The following FAM72B variants were observed in gnomAD, a reference collection of about 807,000 sequenced individuals.
FAM72B encodes RUMY family member 2, also known as protein FAM72B.
A neutral mutation model predicts 12.6 loss-of-function variants in FAM72B; 4 were observed. The observed-to-expected ratio is 0.32, with a 90% CI of 0.16 to 0.73. The LOEUF is 0.73. Ranked by LOEUF, FAM72B falls within the 30% of genes least tolerant of loss-of-function variation. FAM72B has a pLI of 0.67. For missense variants in FAM72B, 61 were observed against 158.4 expected (o/e 0.39, Z 3.30); for synonymous variants, 13 against 53.9 (o/e 0.24, Z 3.32).
At chr1:121,170,009 T>G (rs1484776568) in intron 3 of FAM72B, among the ~76,000 whole-genome samples, 2 of 152,094 alleles carry the variant, frequency 1.3e-5, no homozygotes, top group Admixed American at 6.6e-5. Context: ...CTCGCTCTAT[T>G]GCCCAGGCTG....
intron 3 of FAM72B, among the ~76,000 whole-genome samples, chr1:121,169,944 C>A (rs1241628361): frequency 6.6e-6 from 1 of 152,036 alleles, no homozygotes; most frequent in African/African-American, 2.4e-5. Flanking sequence ...TCTAGGATAG[C>A]CAATTAACTT....
intron 3 of FAM72B, among the ~76,000 whole-genome samples, chr1:121,174,598 C>T (rs1310366579): frequency 1.3e-5 from 2 of 150,994 alleles, no homozygotes; most frequent in African/African-American, 2.4e-5. Flanking sequence ...AACTCCCAAC[C>T]TCAGGTGATC....
intron 3 of FAM72B, among the ~76,000 whole-genome samples, chr1:121,174,877 A>T (rs1466467243): frequency 6.6e-6 from 1 of 151,476 alleles, no homozygotes; most frequent in Non-Finnish European, 1.5e-5. Context: ...TAAACTCTTG[A>T]CCTCAGGTGA....
chr1:121,180,671 G>A (rs1453556246), intron 2 of FAM72B, among the ~76,000 whole-genome samples: 1 of 152,034 alleles, frequency 6.6e-6, no homozygotes, highest in African/African-American at 2.4e-5. Context: ...ATCAGCCTGG[G>A]CAACAGAGCA....
At chr1:121,179,839 A>G (rs1654295201) in intron 2 of FAM72B, among the ~76,000 whole-genome samples, 1 of 147,926 alleles carries the variant, frequency 6.8e-6, no homozygotes, top group Non-Finnish European at 1.5e-5. Flanking sequence ...AAAAAAAAAA[A>G]AAAAAGAAGA....
intron 3 of FAM72B, among the ~76,000 whole-genome samples, chr1:121,169,953 T>C (rs1444394086): frequency 6.6e-6 from 1 of 152,116 alleles, no homozygotes; most frequent in Non-Finnish European, 1.5e-5. Context: ...GCCAATTAAC[T>C]TCACAAGAAA....
intron 2 of FAM72B, among the ~76,000 whole-genome samples, chr1:121,178,302 C>A (rs1654259005): frequency 1.7e-4 from 1 of 6,034 alleles, no homozygotes; most frequent in African/African-American, 2.8e-4. Context: ...ATAGAGTGAA[C>A]CTACAGGGAA....
intron 2 of FAM72B, among the ~76,000 whole-genome samples, chr1:121,180,457 G>A (rs1332828880): frequency 1.5e-4 from 20 of 132,394 alleles, no homozygotes; most frequent in African/African-American, 6.1e-4. Flanking sequence ...GCTGAGGCAG[G>A]AGAATCACTT....
intron 2 of FAM72B, among the ~76,000 whole-genome samples, chr1:121,180,503 C>G (rs1452343175): frequency 8.8e-6 from 1 of 114,006 alleles, no homozygotes; most frequent in African/African-American, 3.7e-5. Context: ...GAGCTTAGAT[C>G]GCGCCATTGC....
chr1:121,177,152 T>A, intron 3 of FAM72B, 56 bp downstream of exon 3: 1 of 1,574,838 alleles, frequency 6.3e-7, no homozygotes, highest in South Asian at 1.1e-5. Flanking sequence ...TTGGGAATTT[T>A]ACTCAGGTAT....
chr1:121,180,552 A>G (rs1654312194), intron 2 of FAM72B, among the ~76,000 whole-genome samples: 1 of 135,312 alleles, frequency 7.4e-6, no homozygotes, highest in South Asian at 2.5e-4. Flanking sequence ...CTCCTTCTCA[A>G]AAAAAGAAAG....
At chr1:121,181,523 CAG>C (rs1463661024) in intron 1 of FAM72B, among the ~76,000 whole-genome samples, 175 bp from the exon 2 acceptor site, 1 of 152,066 alleles carries the variant, frequency 6.6e-6, no homozygotes, top group Non-Finnish European at 1.5e-5. Context: ...ACCCTCCTAC[CAG>C]AGTTTCCTGA....
rs587686104 is a variant in FAM72B at position 121,169,545 on chromosome 1, C to A, written c.356-710G>T. The stretch of plus-strand genomic sequence containing the variant: ...CACAAGATCCTTTTAGATTAAATGC[C>A]TCTTTGGAGGGTTCAGGGAGAAGTC... On this transcript the variant is annotated intron_variant, in intron 3 of 3. Transcript: ENST00000369390. Among the ~76,000 whole-genome samples the A allele has an allele frequency of 2.0e-4, 30 of 151,854 alleles. No individual in the cohort carries two copies. In the South Asian group the frequency reaches 6.3e-3, roughly 32 times the overall value.
Position 121,168,881 on chromosome 1 carries a change from T to C in FAM72B, c.356-46A>G, listed in dbSNP as rs782432986. The C allele has an allele frequency of 4.5e-6, 7 of 1,559,310 alleles. No homozygotes were observed. The East Asian group carries it at 9.0e-5, about 20-fold the overall frequency. On this transcript the variant is annotated intron_variant, in intron 3 of 3. Transcript: ENST00000369390. ...AATTCTTTAATGCTTACTACTGTTA[T>C]AACTCAGAACACAAATTACGAAACT...
At chr1:121,176,812 C>G (rs1192158885) in intron 3 of FAM72B, among the ~76,000 whole-genome samples, 3 of 152,234 alleles carry the variant, frequency 2.0e-5, no homozygotes, top group Non-Finnish European at 4.4e-5. Flanking sequence ...TCCTCCTCCT[C>G]TCAACTCCCA....
intron 3 of FAM72B, among the ~76,000 whole-genome samples, chr1:121,175,112 C>T (rs1227914398): frequency 6.6e-5 from 10 of 152,178 alleles, no homozygotes; most frequent in South Asian, 6.2e-4. Context: ...GAATCCAATG[C>T]TCATTTACTG....
At chr1:121,172,744 C>T (rs1400086651) in intron 3 of FAM72B, among the ~76,000 whole-genome samples, 1 of 89,544 alleles carries the variant, frequency 1.1e-5, no homozygotes, top group Non-Finnish European at 2.0e-5. Context: ...GCCTGGGTGA[C>T]AGAATGACTC....
At chr1:121,179,820 T>G (rs1217125699) in intron 2 of FAM72B, among the ~76,000 whole-genome samples, 1 of 125,256 alleles carries the variant, frequency 8.0e-6, no homozygotes, top group Non-Finnish European at 1.6e-5. Flanking sequence ...AGAGCAAAAC[T>G]CCGTCTTAAA....
chr1:121,176,274 A>G (rs1290775045), intron 3 of FAM72B, among the ~76,000 whole-genome samples: 1 of 145,092 alleles, frequency 6.9e-6, no homozygotes, highest in Non-Finnish European at 1.5e-5. Context: ...AATTCAAGTG[A>G]TCCTCCCACC....
Sources: allele counts gnomAD v4.1 joint callset (sites outside exome capture counted in the v4.1 genomes callset), GRCh38; gene constraint gnomAD v4.1.1; transcripts MANE v1.5; gene names NCBI Gene and HGNC (gene_info 2026-07-23, HGNC 2026-07-21).